CELSR3: variants seen among roughly 807,000 people sequenced by gnomAD.
The protein encoded by CELSR3 is cadherin EGF LAG seven-pass G-type receptor 3, also known as EGF-like protein 1.
In CELSR3, 73 loss-of-function variants were observed where a neutral mutation model predicts 270.0. That is an observed-to-expected ratio of 0.27 (90% CI 0.22 to 0.33). The LOEUF is 0.33. Among genes scored for constraint, CELSR3 ranks in the 10% least tolerant of loss-of-function variants. CELSR3 has a pLI of 1.00. For synonymous variants in CELSR3, 1,780 were observed against 1,905.4 expected, an observed-to-expected ratio of 0.93 and a Z score of 1.71; for missense variants, 3,614 against 4,533.8, an observed-to-expected ratio of 0.80 and a Z score of 5.83.
At chr3:48,648,038 TC>T in intron 19 of CELSR3, 42 bp from the exon 20 acceptor site, 3 of 1,604,450 alleles carry the variant, frequency 1.9e-6, no homozygotes, top group Non-Finnish European at 2.6e-6. Flanking sequence ...ATGGACCTCT[TC>T]CCCCTGCCAA....
Position 48,645,146 on chromosome 3 carries a change from A to G in CELSR3, c.7861T>C (p.Phe2621Leu), listed in dbSNP as rs753919336. 32 of 1,599,684 alleles carry G rather than the reference A, an allele frequency of 2.0e-5. No individual in the cohort carries two copies. Among genetic ancestry groups the G allele is most frequent in the Non-Finnish European group, 2.7e-5 (32 of 1,169,230 alleles). The change falls in exon 25 of 35, where the codon TTC becomes CTC. Residue 2621 changes from phenylalanine to leucine, a missense_variant. By Grantham distance (22) the Phe-to-Leu change is conservative. Coordinates refer to ENST00000164024, the MANE Select transcript of CELSR3 (RefSeq NM_001407.3). The surrounding 1 kb of genome is among the most constrained non-coding windows in gnomAD (Gnocchi z 5.4). ...YFFLSTFAWLFVQGLHLYRMQ... is the reference protein window; with the variant it reads ...YFFLSTFAWLLVQGLHLYRMQ... ...CGGTAGAGGTGCAGCCCCTGCACGA[A>G]GAGCCACGCGAAGGTGCTGAGGAAG...
At chr3:48,649,026 A>G in intron 17 of CELSR3, 95 bp downstream of exon 17, 1 of 1,543,098 alleles carries the variant, frequency 6.5e-7, no homozygotes. Context: ...CAACCAGGAA[A>G]GGCTCAGGAG....
chr3:48,661,784 C>T lies in CELSR3; in HGVS notation c.851G>A (p.Cys284Tyr). 3 of 1,603,902 alleles carry T rather than the reference C, an allele frequency of 1.9e-6. No homozygotes were observed. Among genetic ancestry groups the T allele is most frequent in the Non-Finnish European group, 1.7e-6 (2 of 1,176,856 alleles). The part of the protein sequence containing the change: ...KRMRSRGLFR[C>Y]RFLPQRPGPR... The stretch of plus-strand genomic sequence containing the variant: ...CCCGGGGCGCTGCGGGAGGAAGCGG[C>T]AGCGGAAGAGACCCCGGGAGCGCAT... The change falls in exon 1 of 35, where the codon TGC (cysteine) becomes TAC (tyrosine). Residue 284 changes from cysteine (C) to tyrosine (Y), a missense_variant. By Grantham distance (194) the Cys-to-Tyr change is radical. Coordinates refer to ENST00000164024, the MANE Select transcript of CELSR3 (RefSeq NM_001407.3).
At position 48,648,249 on chromosome 3, in the gene CELSR3, C is replaced by CA; in HGVS notation, c.6973+16_6973+17insT. ...GGCCCCCCTGCTGTGCCCCGCCCTA[C>CA]CCCACCCACAACGCACTGATATTAG... On this transcript the variant is annotated intron_variant, in intron 19 of 34. Transcript: ENST00000164024. 1 of 728,358 alleles carries CA rather than the reference C, an allele frequency of 1.4e-6. No homozygotes were observed. Among genetic ancestry groups the CA allele is most frequent in the Non-Finnish European group, 2.3e-6 (1 of 433,732 alleles). The allele number at this position is 728,358 out of a possible 1,614,324, so 45.1% of individuals were successfully genotyped here. A position where few individuals can be genotyped will look rare whatever the true frequency, so the allele number is the denominator to read the frequency against.
Position 48,646,318 on chromosome 3 carries a change from C to A in CELSR3, c.7296-61G>T. 6.6e-7 allele frequency: 1 copy of A among 1,520,292 alleles called. No homozygotes were observed. 94.2% of individuals were successfully genotyped at this position (1,520,292 alleles called of 1,614,324 possible). On this transcript the variant is annotated intron_variant, in intron 21 of 34. Coordinates refer to ENST00000164024, the MANE Select transcript of CELSR3 (RefSeq NM_001407.3). The surrounding 1 kb of genome is among the most constrained non-coding windows in gnomAD (Gnocchi z 4.8). ...ACCTCCCCATGCTCAGCCTGCTTGCCTCACCCCGTCTTCATGCCACTCGCC... is the reference window on the plus strand; with the variant it reads ...ACCTCCCCATGCTCAGCCTGCTTGCATCACCCCGTCTTCATGCCACTCGCC...
In CELSR3 at chr3:48,656,779, A is replaced by G; in HGVS notation, c.4318T>C (p.Tyr1440His). 6.3e-7 allele frequency: 1 copy of G among 1,592,972 alleles called. No individual in the cohort carries two copies. Among genetic ancestry groups the G allele is most frequent in the South Asian group, 1.1e-5 (1 of 87,518 alleles). ...CCGCCGTTGCGACATGGGTTGGAGT[A>G]GCAGAGGTCGAGCTCGGTCTCGCAA... The part of the protein sequence containing the change: ...DFCETELDLC[Y>H]SNPCRNGGAC... Residue 1440 changes from tyrosine to histidine, a missense_variant, in exon 2 of 35, where the codon TAC becomes CAC. Coordinates refer to ENST00000164024, the MANE Select transcript of CELSR3 (RefSeq NM_001407.3).
At position 48,645,341 on chromosome 3, in the gene CELSR3, C is replaced by T. The variant is rs747627985; in HGVS notation, c.7797+102G>A. The T allele has an allele frequency of 6.4e-7, 1 of 1,566,888 alleles. No homozygotes were observed. Among genetic ancestry groups the T allele is most frequent in the Admixed American group, 1.8e-5 (1 of 57,084 alleles). ...CCAGCATCCTGCTGAAAACCCTGGC[C>T]CCAACCTGAGCATCCCTGACCTCTG... On this transcript the variant is annotated intron_variant, in intron 24 of 34. Coordinates refer to ENST00000164024, the MANE Select transcript of CELSR3 (RefSeq NM_001407.3). The surrounding 1 kb of genome is among the most constrained non-coding windows in gnomAD (Gnocchi z 5.4).
rs764647536 is a variant in CELSR3, at chr3:48,656,691, T to C, written c.4399+7A>G. ...TTCCCCCAGCTCTGGCCCGGCGCCC[T>C]GCTCACCGGTGAAGCGCGGGCGGCA... On this transcript the variant is annotated splice_region_variant and intron_variant, in intron 2 of 34. Coordinates refer to ENST00000164024, the MANE Select transcript of CELSR3 (RefSeq NM_001407.3). The C allele has an allele frequency of 6.8e-7, 1 of 1,475,532 alleles. No individual in the cohort carries two copies. Among genetic ancestry groups the C allele is most frequent in the East Asian group, 2.4e-5 (1 of 42,462 alleles). 91.4% of individuals were successfully genotyped at this position (1,475,532 alleles called of 1,614,324 possible).
chr3:48,648,249 C>CAAA lies in CELSR3; in HGVS notation c.6973+16_6973+17insTTT. On this transcript the variant is annotated intron_variant, in intron 19 of 34. Transcript: ENST00000164024. The stretch of plus-strand genomic sequence containing the variant: ...GGCCCCCCTGCTGTGCCCCGCCCTA[C>CAAA]CCCACCCACAACGCACTGATATTAG... 5 of 728,336 alleles carry CAAA rather than the reference C, an allele frequency of 6.9e-6. No individual in the cohort carries two copies. Among genetic ancestry groups the CAAA allele is most frequent in the Non-Finnish European group, 1.2e-5 (5 of 433,712 alleles). 45.1% of individuals were successfully genotyped at this position (728,336 alleles called of 1,614,324 possible). A position where few individuals can be genotyped will look rare whatever the true frequency, so the allele number is the denominator to read the frequency against.
At position 48,659,652 on chromosome 3, in the gene CELSR3, G is replaced by A. The variant is rs531319649; in HGVS notation, c.2983C>T (p.Arg995Trp). 2.4e-5 allele frequency: 39 copies of A among 1,614,168 alleles called. No homozygotes were observed. The highest frequency in any genetic ancestry group is 1.3e-4 in the South Asian group (12 of 91,092). ...ATDRDAHANG[R>W]VQYTFQNGED... ...CCATTCTGGAAAGTGTACTGGACCC[G>A]GCCATTGGCATGAGCATCCCGGTCA... The change falls in exon 1 of 35, where the codon CGG (arginine) becomes TGG (tryptophan). Residue 995 changes from arginine to tryptophan, a missense_variant. Around this residue, in one of 7 missense-constraint regions of CELSR3, gnomAD observed 1,331 missense variants for 1,933.7 expected, o/e 0.69. Transcript: ENST00000164024. This position sits in a 1 kb window ranked among gnomAD's most constrained non-coding sequence, Gnocchi z 8.1.
Position 48,650,222 on chromosome 3 carries a change from A to G in CELSR3, c.6472+258T>C. The G allele has an allele frequency of 1.7e-6, 1 of 603,238 alleles. No homozygotes were observed. The highest frequency in any genetic ancestry group is 3.1e-6 in the Non-Finnish European group (1 of 321,284). The allele number at this position is 603,238 out of a possible 1,614,324, so 37.4% of individuals were successfully genotyped here. A position where few individuals can be genotyped will look rare whatever the true frequency, so the allele number is the denominator to read the frequency against. On this transcript the variant is annotated intron_variant, in intron 16 of 34. Transcript: ENST00000164024. The surrounding 1 kb of genome is among the most constrained non-coding windows in gnomAD (Gnocchi z 5.1). ...CTCAGGCAGCAGGAGGGGTCTGCAAAAGCTCTGGTAGTGGGAGGGGGCAGT... is the reference window on the plus strand; with the variant it reads ...CTCAGGCAGCAGGAGGGGTCTGCAAGAGCTCTGGTAGTGGGAGGGGGCAGT...
chr3:48,641,701 G>T lies in CELSR3; in HGVS notation c.8824+150C>A. 1.1e-6 allele frequency: 1 copy of T among 893,122 alleles called. No homozygotes were observed. 55.3% of individuals were successfully genotyped at this position (893,122 alleles called of 1,614,324 possible). On this transcript the variant is annotated intron_variant, in intron 32 of 34. Transcript: ENST00000164024. This position sits in a 1 kb window ranked among gnomAD's most constrained non-coding sequence, Gnocchi z 4.8. ...CTGGTGAGCTCCCTCCCCTTAACTG[G>T]AGGTGGACAGAGACTAAAAGTTGGG...
rs1553625599 is a variant in CELSR3 at position 48,644,691 on chromosome 3, G to C, written c.8085+25C>G. The C allele has an allele frequency of 2.5e-6, 4 of 1,573,272 alleles. No individual in the cohort carries two copies. The highest frequency in any genetic ancestry group is 1.7e-4 in the Middle Eastern group (1 of 5,936). On this transcript the variant is annotated intron_variant, in intron 26 of 34. Transcript: ENST00000164024. This position sits in a 1 kb window ranked among gnomAD's most constrained non-coding sequence, Gnocchi z 4.8. Reference sequence around the variant, plus strand: ...CCCAATGAGGGAGGGAAGTACAGAGGGGGCACCAAGTCCAGGGCACTCACC... The same window carrying C: ...CCCAATGAGGGAGGGAAGTACAGAGCGGGCACCAAGTCCAGGGCACTCACC...
In CELSR3 at chr3:48,661,186, G is replaced by A. The variant is rs1489607528; in HGVS notation, c.1449C>T (p.Ala483=). ...VGPPAARAAA[A]AAFEIDPRSG... is the part of the protein sequence containing the mutation. ...AGCGTGGATCAATCTCGAAGGCGGC[G>A]GCAGCTGCAGCGCGCGCAGCTGGCG... The change falls in exon 1 of 35, where the codon GCC becomes GCT. Residue 483 remains alanine (A), a synonymous_variant. Transcript: ENST00000164024. 1 of 1,597,418 alleles carries A rather than the reference G, an allele frequency of 6.3e-7. No individual in the cohort carries two copies. The highest frequency in any genetic ancestry group is 8.5e-7 in the Non-Finnish European group (1 of 1,171,576).
In CELSR3 at chr3:48,647,992, G is replaced by C. The variant is rs750443192; in HGVS notation, c.6978C>G (p.Leu2326=). Residue 2326 remains leucine, a synonymous_variant, in exon 20 of 35, where the codon CTC becomes CTG. Transcript: ENST00000164024. ...PMGLVTPNIM[L]SIDRMEHPSS... is the part of the protein sequence containing the mutation. Reference sequence around the variant, plus strand: ...TGGGGTGCTCCATGCGGTCAATGCTGAGCACTACCCAGGAGAAAGAAAGGG... The same window carrying C: ...TGGGGTGCTCCATGCGGTCAATGCTCAGCACTACCCAGGAGAAAGAAAGGG... The C allele has an allele frequency of 6.2e-7, 1 of 1,611,892 alleles. No homozygotes were observed. Among genetic ancestry groups the C allele is most frequent in the Non-Finnish European group, 8.5e-7 (1 of 1,179,586 alleles).
rs776836193 is a variant in CELSR3 at position 48,639,111 on chromosome 3, G to C, written c.9911+563C>G. On this transcript the variant is annotated intron_variant, in intron 34 of 34. Coordinates refer to ENST00000164024, the MANE Select transcript of CELSR3 (RefSeq NM_001407.3). This position sits in a 1 kb window ranked among gnomAD's most constrained non-coding sequence, Gnocchi z 4.1. ...CCACAGATGCTTCACACATACCCGA[G>C]ATGAACCAGGTTCCAACTCAGTTCC... 6.6e-6 allele frequency among the ~76,000 whole-genome samples: 1 copy of C among 152,096 alleles called. No homozygotes were observed. The highest frequency in any genetic ancestry group is 1.5e-5 in the Non-Finnish European group (1 of 68,024).
Position 48,659,340 on chromosome 3 carries a change from T to C in CELSR3, c.3295A>G (p.Asn1099Asp). 1 of 1,614,188 alleles carries C rather than the reference T, an allele frequency of 6.2e-7. No individual in the cohort carries two copies. Among genetic ancestry groups the C allele is most frequent in the Non-Finnish European group, 8.5e-7 (1 of 1,180,028 alleles). The change falls in exon 1 of 35, where the codon AAT (asparagine) becomes GAT (aspartate). Residue 1099 changes from asparagine to aspartate, a missense_variant. Physicochemically the swap from Asn to Asp is conservative, Grantham distance 23 (BLOSUM62 1). Coordinates refer to ENST00000164024, the MANE Select transcript of CELSR3 (RefSeq NM_001407.3). The surrounding 1 kb of genome is among the most constrained non-coding windows in gnomAD (Gnocchi z 8.1). ...ITAVDPDEGP[N>D]AHIMYQIVEG... ...ACGATCTGGTACATTATATGGGCATTGGGGCCTTCGTCAGGGTCCACTGCA... is the reference window on the plus strand; with the variant it reads ...ACGATCTGGTACATTATATGGGCATCGGGGCCTTCGTCAGGGTCCACTGCA...
At position 48,648,831 on chromosome 3, in the gene CELSR3, T is replaced by G; in HGVS notation, c.6665A>C (p.Tyr2222Ser). Reference sequence around the variant, plus strand: ...AGTGACTCGAACATCTTGGCTAAAATAGTGGTCAGTGTGGCCAGTCACCTC... The same window carrying G: ...AGTGACTCGAACATCTTGGCTAAAAGAGTGGTCAGTGTGGCCAGTCACCTC... ...LREVTGHTDHYFSQDVRVTAR... is the reference protein window; with the variant it reads ...LREVTGHTDHSFSQDVRVTAR... Residue 2222 changes from tyrosine to serine, a missense_variant, in exon 18 of 35, where the codon TAT becomes TCT. This residue lies in a region of CELSR3 where 1,331 missense variants were observed against 1,933.7 expected (regional missense o/e 0.69). Transcript: ENST00000164024. The G allele has an allele frequency of 6.2e-7, 1 of 1,612,850 alleles. No individual in the cohort carries two copies. The highest frequency in any genetic ancestry group is 8.5e-7 in the Non-Finnish European group (1 of 1,179,982).
Position 48,643,045 on chromosome 3 carries a change from T to C in CELSR3, c.8328A>G (p.Ala2776=). 1 of 1,612,806 alleles carries C rather than the reference T, an allele frequency of 6.2e-7. No homozygotes were observed. The highest frequency in any genetic ancestry group is 1.6e-4 in the Middle Eastern group (1 of 6,062). The part of the protein sequence containing the change: ...AVLLLFCVLN[A]DARAAWMPAC... ...CTGGCATCCAGGCAGCCCGAGCATC[T>C]GCATTTAGGACACAGAAGAGCAGCA... Residue 2776 remains alanine (A), a synonymous_variant, in exon 29 of 35, where the codon GCA becomes GCG. Coordinates refer to ENST00000164024, the MANE Select transcript of CELSR3 (RefSeq NM_001407.3).
Sources: gnomAD v4.1 joint callset for allele counts (sites outside exome capture counted in the v4.1 genomes callset) on GRCh38, gnomAD v4.1.1 for gene constraint, gnomAD v4.1.1 regional missense constraint, Gnocchi (gnomAD v3.1) non-coding constraint, MANE v1.5 for transcripts, NCBI Gene and HGNC (gene_info 2026-07-23, HGNC 2026-07-21) for gene names.